Variants in ZNF219 observed in about 807,000 individuals in gnomAD.
ZNF219 encodes zinc finger protein 219.
In ZNF219, 17 loss-of-function variants were observed where a neutral mutation model predicts 54.4. That is an observed-to-expected ratio of 0.31 (90% CI 0.21 to 0.47). ZNF219 has a LOEUF of 0.47. Among genes scored for constraint, ZNF219 ranks in the 20% least tolerant of loss-of-function variants. ZNF219 has a pLI of 1.00. For synonymous variants in ZNF219, 518 were observed against 476.4 expected, an observed-to-expected ratio of 1.09 and a Z score of -1.14; for missense variants, 1,014 against 1,062.3, an observed-to-expected ratio of 0.95 and a Z score of 0.63.
chr14:21,101,872 A>C (rs1041286570), upstream of ZNF219: 19 of 1,551,432 alleles, frequency 1.2e-5, no homozygotes, highest in East Asian at 4.4e-4. Flanking sequence ...CAGGTGAGCC[A>C]GCTATGGCTG....
At chr14:21,099,257 A>AGT (rs1889495006), upstream of ZNF219, 1 of 154,702 alleles carries the variant, frequency 6.5e-6, no homozygotes, top group Non-Finnish European at 1.4e-5. Context: ...CCTATCTAAT[A>AGT]GTATATAATC....
intron 1 of ZNF219, among the ~76,000 whole-genome samples, chr14:21,098,067 C>G (rs2139329102): frequency 6.6e-6 from 1 of 151,068 alleles, no homozygotes; most frequent in East Asian, 2.0e-4. Context: ...CACCTGGCCC[C>G]CCCTCCCTTG....
At chr14:21,100,779 A>C (rs1397008389), upstream of ZNF219, among the ~76,000 whole-genome samples, 1 of 152,212 alleles carries the variant, frequency 6.6e-6, no homozygotes, top group Non-Finnish European at 1.5e-5. Flanking sequence ...CCAGACAGAA[A>C]GTAGGATCTC....
At position 21,090,490 on chromosome 14, in the gene ZNF219, G is replaced by C. The variant is rs774004744; in HGVS notation, c.*46C>G. 4 of 1,539,010 alleles carry C rather than the reference G, an allele frequency of 2.6e-6. No homozygotes were observed. The Admixed American group carries it at 5.9e-5, about 23-fold the overall frequency. On this transcript the variant is annotated 3_prime_UTR_variant, in exon 5 of 5. Coordinates refer to ENST00000360947, the MANE Select transcript of ZNF219 (RefSeq NM_016423.3). The surrounding 1 kb of genome is among the most constrained non-coding windows in gnomAD (Gnocchi z 4.4). ...ACCCAACTACCTCTAGCGCTCCCCC[G>C]CTCCGGCGGGGTAAGCTCACTAAGC...
upstream of ZNF219, chr14:21,102,404 G>C: frequency 6.4e-7 from 1 of 1,551,708 alleles, no homozygotes. Context: ...CTCACTGGCA[G>C]GTGCGGGCCA....
At chr14:21,101,927 C>T (rs1222952246), upstream of ZNF219, 1 of 1,551,674 alleles carries the variant, frequency 6.4e-7, no homozygotes. Flanking sequence ...CCTGCCTGAA[C>T]TCTGATTGTC....
upstream of ZNF219, chr14:21,101,243 C>A: frequency 1.8e-6 from 2 of 1,098,394 alleles, no homozygotes; most frequent in South Asian, 1.5e-5. Flanking sequence ...AGAGGTGTAG[C>A]TGAAAGATAC....
At chr14:21,104,550 C>T (rs1335903599) in exon 1 of ZNF219, 1 of 152,408 alleles carries the variant, frequency 6.6e-6, no homozygotes, top group East Asian at 1.9e-4. Flanking sequence ...GTTCGCCTCA[C>T]ACTCATTTTT....
At chr14:21,093,706 T>C (rs1889115897) in intron 1 of ZNF219, 32 bp from the exon 2 acceptor site, 2 of 1,599,502 alleles carry the variant, frequency 1.3e-6, no homozygotes, top group South Asian at 2.2e-5. Context: ...GAGGAAAAGA[T>C]GAGCCCTAGT....
chr14:21,093,754 A>C, intron 1 of ZNF219, 80 bp from the exon 2 acceptor site: 27 of 1,305,710 alleles, frequency 2.1e-5, no homozygotes, highest in South Asian at 2.5e-5. Flanking sequence ...CCAGACTCTC[A>C]GCATTCTGTA....
intron 1 of ZNF219, chr14:21,097,427 G>A (rs1889336303): frequency 2.6e-5 from 4 of 152,448 alleles, no homozygotes; most frequent in Middle Eastern, 6.8e-3. Context: ...GTTTGGGAAA[G>A]AGGGGCATGT....
rs148904564 is a variant in ZNF219, at chr14:21,092,859, G to T, written c.438C>A (p.Thr146=). ...GCCGCGCCAGACCCTCAGTGGCAGG[G>T]GTGGCCTGCATGCCCCCTGAGCTTC... ...RARSSGGMQA[T]PATEGLARPQ... is the part of the protein sequence containing the mutation. Residue 146 remains threonine (T), a synonymous_variant, in exon 3 of 5, where the codon ACC becomes ACA. Transcript: ENST00000360947. The T allele has an allele frequency of 1.9e-5, 29 of 1,557,162 alleles. No individual in the cohort carries two copies. The Admixed American group carries it at 5.5e-4, about 30-fold the overall frequency.
At chr14:21,095,250 C>T (rs914539790) in intron 1 of ZNF219, among the ~76,000 whole-genome samples, 5 of 152,172 alleles carry the variant, frequency 3.3e-5, no homozygotes, top group African/African-American at 1.2e-4. Context: ...GGTCACTAGA[C>T]GACCTCCACT....
chr14:21,092,536 C>T lies in ZNF219; in HGVS notation c.761G>A (p.Arg254His). 6.5e-7 allele frequency: 1 copy of T among 1,549,282 alleles called. No individual in the cohort carries two copies. Among genetic ancestry groups the T allele is most frequent in the Non-Finnish European group, 8.7e-7 (1 of 1,146,462 alleles). ...AGGAGCTGGGGTCGGGGTTGCCTCACGTTCGGGCTCCGGCTCCGGCTCCGG... is the reference window on the plus strand; with the variant it reads ...AGGAGCTGGGGTCGGGGTTGCCTCATGTTCGGGCTCCGGCTCCGGCTCCGG... ...PQPEPEPEPEREATPTPAPAA... is the reference protein window; with the variant it reads ...PQPEPEPEPEHEATPTPAPAA... The change falls in exon 3 of 5, where the codon CGT (arginine) becomes CAT (histidine). Residue 254 changes from arginine (R) to histidine (H), a missense_variant. Transcript: ENST00000360947.
intron 1 of ZNF219, chr14:21,094,600 G>T: frequency 2.9e-6 from 1 of 346,500 alleles, no homozygotes; most frequent in Non-Finnish European, 5.7e-6. Flanking sequence ...GCACAGATAG[G>T]GACTCAGCAC....
intron 1 of ZNF219, among the ~76,000 whole-genome samples, chr14:21,096,175 T>C (rs1264652693): frequency 1.3e-5 from 2 of 152,156 alleles, no homozygotes; most frequent in African/African-American, 2.4e-5. Context: ...TGGCCTCATA[T>C]CTGAGGCAAG....
upstream of ZNF219, chr14:21,098,852 G>A: frequency 7.8e-7 from 1 of 1,287,270 alleles, no homozygotes; most frequent in South Asian, 1.2e-5. Flanking sequence ...GCCCCAACAT[G>A]CACAGACTCG....
intron 4 of ZNF219, 124 bp downstream of exon 4, chr14:21,091,287 C>G: frequency 6.6e-7 from 1 of 1,512,542 alleles, no homozygotes; most frequent in Non-Finnish European, 8.9e-7. Context: ...GGAGCGTTTC[C>G]CAAGTGATCT....
upstream of ZNF219, among the ~76,000 whole-genome samples, chr14:21,099,435 A>G (rs1474335269): frequency 6.6e-6 from 1 of 152,170 alleles, no homozygotes; most frequent in Non-Finnish European, 1.5e-5. Context: ...ATTGAGGAGG[A>G]GTAGACACAC....
Sources: allele counts gnomAD v4.1 joint callset (sites outside exome capture counted in the v4.1 genomes callset), GRCh38; gene constraint gnomAD v4.1.1; non-coding constraint Gnocchi (gnomAD v3.1); transcripts MANE v1.5; gene names NCBI Gene and HGNC (gene_info 2026-07-23, HGNC 2026-07-21).